The following SMARCA1 variants were observed in gnomAD, a reference collection of about 807,000 sequenced individuals.
SMARCA1 encodes SNF2 related chromatin remodeling ATPase 1, also known as SWI/SNF-related matrix-associated actin-dependent regulator of chromatin subfamily A member 1.
In SMARCA1, 17 loss-of-function variants were observed where a neutral mutation model predicts 93.6. The observed-to-expected ratio is 0.18, with a 90% CI of 0.12 to 0.27. The LOEUF (loss-of-function observed/expected upper bound fraction) is 0.27, where lower values mean the gene tolerates loss of function less well. Ranked by LOEUF, SMARCA1 falls within the 10% of genes least tolerant of loss-of-function variation. The pLI, the probability that SMARCA1 is intolerant of heterozygous loss-of-function variation, is 1.00. For synonymous variants in SMARCA1, 271 were observed against 271.4 expected (o/e 1.00, Z 0.01); for missense variants, 630 against 819.0 (o/e 0.77, Z 2.82).
chrX:129,500,397 AC>A (rs953682942), intron 9 of SMARCA1, among the ~76,000 whole-genome samples: 2 of 111,886 alleles, frequency 1.8e-5, no homozygotes, highest in Non-Finnish European at 3.8e-5. Flanking sequence ...CGAACTCCTG[AC>A]CCCGTGATCC....
intron 2 of SMARCA1, among the ~76,000 whole-genome samples, chrX:129,517,726 G>T (rs901719580): frequency 9.0e-6 from 1 of 110,646 alleles, no homozygotes; most frequent in Non-Finnish European, 1.9e-5. Context: ...TTAAATTCTT[G>T]AAAGATCCAA....
chrX:129,510,569 G>A (rs1226510949), intron 6 of SMARCA1, among the ~76,000 whole-genome samples: 2 of 111,501 alleles, frequency 1.8e-5, no homozygotes, highest in Non-Finnish European at 3.8e-5. Context: ...CCCCGCCTCT[G>A]GAAAAAGAAA....
At chrX:129,469,966 T>C (rs1443892388) in intron 20 of SMARCA1, among the ~76,000 whole-genome samples, 2 of 111,947 alleles carry the variant, frequency 1.8e-5, no homozygotes, top group Non-Finnish European at 3.8e-5. Flanking sequence ...TCTGCCATTA[T>C]ATTTTCAAAC....
chrX:129,488,391 T>C (rs1933984194), intron 16 of SMARCA1, among the ~76,000 whole-genome samples: 1 of 107,591 alleles, frequency 9.3e-6, no homozygotes, highest in Non-Finnish European at 1.9e-5. Context: ...GGAGGCTCAC[T>C]TGGGGCCAGA....
At chrX:129,453,943 T>A (rs1265673090) in intron 23 of SMARCA1, among the ~76,000 whole-genome samples, 1 of 111,767 alleles carries the variant, frequency 8.9e-6, no homozygotes, top group Non-Finnish European at 1.9e-5. Flanking sequence ...AAAAACTACT[T>A]TAAATTTCAT....
At chrX:129,476,218 T>C (rs751539969) in intron 19 of SMARCA1, among the ~76,000 whole-genome samples, 132 of 112,270 alleles carry the variant, frequency 1.2e-3, no homozygotes, top group African/African-American at 4.1e-3. Context: ...CTTTTGAATA[T>C]GCCTAAGGTC....
Position 129,487,018 on chromosome X carries a change from C to T in SMARCA1, c.2217G>A (p.Lys739=), listed in dbSNP as rs1933921672. The T allele has an allele frequency of 2.6e-6, 3 of 1,166,522 alleles. No individual in the cohort carries two copies. The highest frequency in any genetic ancestry group is 3.6e-5 in the African/African-American group (2 of 55,237). ...CTAATGGTTGAGAGTAAAAAGTTAC[C>T]TTCTGTTTTTCTCTATAATCTTCTC... The part of the protein sequence containing the change: ...FEGEDYREKQ[K]LGMVEWIEPP... Residue 739 remains lysine (K), a splice_region_variant and synonymous_variant, in exon 17 of 25, where the codon AAG becomes AAA. Transcript: ENST00000371121.
chrX:129,505,810 T>TATGG (rs1471914399), intron 8 of SMARCA1, among the ~76,000 whole-genome samples: 1 of 111,041 alleles, frequency 9.0e-6, no homozygotes, highest in Non-Finnish European at 1.9e-5. Context: ...AATGCACTAC[T>TATGG]ATGGACTCAG....
chrX:129,471,144 T>C, intron 20 of SMARCA1, 60 bp downstream of exon 20: 1 of 973,300 alleles, frequency 1.0e-6, no homozygotes, highest in Non-Finnish European at 1.4e-6. Context: ...AAGTGTGATC[T>C]ATATTTTCTT....
intron 9 of SMARCA1, among the ~76,000 whole-genome samples, chrX:129,504,155 G>A (rs1227107071): frequency 9.2e-6 from 1 of 108,575 alleles, no homozygotes; most frequent in Non-Finnish European, 1.9e-5. Context: ...GCACACGCCT[G>A]TAATCCCAGC....
At chrX:129,466,604 G>A (rs944224543) in intron 21 of SMARCA1, among the ~76,000 whole-genome samples, 4 of 110,953 alleles carry the variant, frequency 3.6e-5, no homozygotes, top group African/African-American at 6.6e-5. Context: ...GCAGTGAGCC[G>A]AGATCGCGCC....
chrX:129,464,766 A>T (rs1932867413), intron 23 of SMARCA1, among the ~76,000 whole-genome samples: 1 of 112,096 alleles, frequency 8.9e-6, no homozygotes, highest in African/African-American at 3.2e-5. Flanking sequence ...TTAACAAGTG[A>T]CCAAACTTAG....
At chrX:129,522,592 G>C (rs1008331966) in intron 1 of SMARCA1, among the ~76,000 whole-genome samples, 1 of 110,608 alleles carries the variant, frequency 9.0e-6, no homozygotes, top group Non-Finnish European at 1.9e-5. Context: ...TCGGCAGGCG[G>C]GGTTCAAACG....
At chrX:129,483,736 G>A (rs965562054) in intron 17 of SMARCA1, among the ~76,000 whole-genome samples, 1 of 111,663 alleles carries the variant, frequency 9.0e-6, no homozygotes. Context: ...CTTTACATAA[G>A]AGTACATTAA....
chrX:129,522,706 G>A (rs771884739), intron 1 of SMARCA1, among the ~76,000 whole-genome samples: 19 of 111,961 alleles, frequency 1.7e-4, no homozygotes, highest in African/African-American at 5.8e-4. Flanking sequence ...CCAGCACCTT[G>A]AAATTCAAAT....
chrX:129,470,732 G>A (rs1018008391), intron 20 of SMARCA1, among the ~76,000 whole-genome samples: 2 of 110,802 alleles, frequency 1.8e-5, no homozygotes, highest in African/African-American at 3.3e-5. Context: ...AGCCAGGCAC[G>A]GTGGTGGGTG....
chrX:129,473,078 G>A (rs996444212), intron 19 of SMARCA1, among the ~76,000 whole-genome samples: 8 of 111,434 alleles, frequency 7.2e-5, no homozygotes, highest in African/African-American at 2.3e-4. Flanking sequence ...GCAGGAAGGC[G>A]CATATGGGGT....
chrX:129,488,610 TAAAAAAAAA>T (rs35620990), intron 16 of SMARCA1, among the ~76,000 whole-genome samples: 1 of 64,949 alleles, frequency 1.5e-5, no homozygotes, highest in Non-Finnish European at 2.8e-5. Context: ...CCTGTCTCTT[TAAAAAAAAA>T]AAAAAAAAAA....
At chrX:129,518,000 G>T (rs1484897947) in intron 2 of SMARCA1, among the ~76,000 whole-genome samples, 3 of 110,758 alleles carry the variant, frequency 2.7e-5, no homozygotes, top group African/African-American at 9.8e-5. Flanking sequence ...TTTGTGACTG[G>T]ATTTCTCTCA....
Sources: gnomAD v4.1 joint callset for allele counts (sites outside exome capture counted in the v4.1 genomes callset) on GRCh38, gnomAD v4.1.1 for gene constraint, MANE v1.5 for transcripts, NCBI Gene and HGNC (gene_info 2026-07-23, HGNC 2026-07-21) for gene names.